Variants in CDC14B observed in about 807,000 individuals in gnomAD.
CDC14B encodes cell division cycle 14B, also known as dual specificity protein phosphatase CDC14B.
A neutral mutation model predicts 64.2 loss-of-function variants in CDC14B; 22 were observed. The observed-to-expected ratio is 0.34, with a 90% CI of 0.24 to 0.49. The LOEUF is 0.49. Among genes scored for constraint, CDC14B ranks in the 20% least tolerant of loss-of-function variants. The pLI is 0.99. For missense variants in CDC14B, 498 were observed against 629.9 expected (o/e 0.79, Z 2.24); for synonymous variants, 191 against 215.8 (o/e 0.89, Z 1.01).
intron 1 of CDC14B, among the ~76,000 whole-genome samples, chr9:96,579,325 C>G (rs949298661): frequency 1.2e-4 from 18 of 151,902 alleles, no homozygotes; most frequent in Non-Finnish European, 2.4e-4. Context: ...CAGTGGCTCA[C>G]GCCTGTAATC....
intron 12 of CDC14B, among the ~76,000 whole-genome samples, chr9:96,520,217 G>A (rs1021536493): frequency 1.5e-4 from 23 of 152,212 alleles, no homozygotes; most frequent in African/African-American, 5.1e-4. Context: ...CTAGCATTTC[G>A]CTTTCTTCTT....
At chr9:96,617,773 T>C (rs1294293461) in intron 1 of CDC14B, among the ~76,000 whole-genome samples, 2 of 152,194 alleles carry the variant, frequency 1.3e-5, no homozygotes, top group Admixed American at 6.5e-5. Context: ...ACCTTTAGAA[T>C]TGGAGTTCTG....
intron 6 of CDC14B, among the ~76,000 whole-genome samples, chr9:96,540,564 T>C (rs1272571286): frequency 6.6e-6 from 1 of 151,754 alleles, no homozygotes; most frequent in Non-Finnish European, 1.5e-5. Context: ...ATCTTTGACC[T>C]ATCGTACCAG....
intron 6 of CDC14B, among the ~76,000 whole-genome samples, chr9:96,539,989 A>C (rs1318518260): frequency 6.6e-6 from 1 of 152,258 alleles, no homozygotes; most frequent in Non-Finnish European, 1.5e-5. Context: ...ACTGAAATAC[A>C]AATGTAAAAT....
chr9:96,617,947 G>A (rs2119110703), intron 1 of CDC14B, among the ~76,000 whole-genome samples: 1 of 152,284 alleles, frequency 6.6e-6, no homozygotes, highest in South Asian at 2.1e-4. Context: ...AACGTTAGCG[G>A]GACTTGGCTT....
chr9:96,598,869 G>A (rs1023775378), intron 1 of CDC14B, among the ~76,000 whole-genome samples: 8 of 152,118 alleles, frequency 5.3e-5, no homozygotes, highest in African/African-American at 1.9e-4. Context: ...ATCAATAAGG[G>A]CTTGCTTAAA....
intron 1 of CDC14B, among the ~76,000 whole-genome samples, chr9:96,606,862 G>A (rs926339706): frequency 6.6e-6 from 1 of 151,796 alleles, no homozygotes; most frequent in African/African-American, 2.4e-5. Flanking sequence ...CACCGTGCCT[G>A]GCCTACTAAT....
downstream of CDC14B, among the ~76,000 whole-genome samples, chr9:96,497,218 CA>C (rs550953208): frequency 2.7e-3 from 416 of 152,312 alleles, 2 homozygotes; most frequent in Non-Finnish European, 4.6e-3. Flanking sequence ...GGTGTGGACC[CA>C]GCACGCGTCG....
rs1847829702 is a variant in CDC14B, at chr9:96,619,206, C to G, written c.160+13G>C. 2 of 1,274,742 alleles carry G rather than the reference C, an allele frequency of 1.6e-6. No individual in the cohort carries two copies. Among genetic ancestry groups the G allele is most frequent in the East Asian group, 6.2e-5 (2 of 32,248 alleles). 79.0% of individuals were successfully genotyped at this position (1,274,742 alleles called of 1,614,324 possible). A position where few individuals can be genotyped will look rare whatever the true frequency, so the allele number is the denominator to read the frequency against. The stretch of plus-strand genomic sequence containing the variant: ...CCGTCCGGGGCCCTCCGCGCGCCCA[C>G]TGGCCGGCTCACCGGTGATGTCCAG... On this transcript the variant is annotated intron_variant, in intron 1 of 13. Transcript: ENST00000375241.
intron 12 of CDC14B, among the ~76,000 whole-genome samples, chr9:96,520,290 T>C (rs919668294): frequency 6.6e-6 from 1 of 152,226 alleles, no homozygotes; most frequent in African/African-American, 2.4e-5. Flanking sequence ...ATATTGTTTT[T>C]GGGATATTAC....
intron 3 of CDC14B, among the ~76,000 whole-genome samples, chr9:96,563,655 GAAAA>G (rs35893039): frequency 1.2e-5 from 1 of 81,614 alleles, no homozygotes; most frequent in Non-Finnish European, 2.4e-5. Context: ...TGTCTCACGG[GAAAA>G]AAAAAAAAAA....
chr9:96,574,359 A>G (rs1299771966), intron 1 of CDC14B, among the ~76,000 whole-genome samples: 2 of 152,128 alleles, frequency 1.3e-5, no homozygotes, highest in South Asian at 2.1e-4. Flanking sequence ...CTTGTTGTCC[A>G]TGTTTTTGGG....
intron 4 of CDC14B, among the ~76,000 whole-genome samples, chr9:96,555,770 G>T (rs1399843015): frequency 2.0e-5 from 3 of 152,190 alleles, no homozygotes; most frequent in African/African-American, 7.2e-5. Flanking sequence ...TGAGACTGGT[G>T]TGGTTTTCAA....
At chr9:96,574,025 T>C (rs993154571) in intron 1 of CDC14B, among the ~76,000 whole-genome samples, 2 of 151,866 alleles carry the variant, frequency 1.3e-5, no homozygotes, top group Non-Finnish European at 2.9e-5. Context: ...CGGGCACCCG[T>C]AGCCCCAGCT....
intron 4 of CDC14B, among the ~76,000 whole-genome samples, chr9:96,561,162 C>T (rs764103552): frequency 1.3e-5 from 2 of 152,242 alleles, no homozygotes; most frequent in East Asian, 3.9e-4. Flanking sequence ...GTCTCGTACA[C>T]CTGACCTCAA....
chr9:96,520,266 G>A (rs1836481391), intron 12 of CDC14B, among the ~76,000 whole-genome samples: 1 of 152,166 alleles, frequency 6.6e-6, no homozygotes, highest in Admixed American at 6.5e-5. Context: ...TGTGTTATGT[G>A]GGGCTATTTA....
chr9:96,577,691 C>T (rs1054309574), intron 1 of CDC14B, among the ~76,000 whole-genome samples: 2 of 152,032 alleles, frequency 1.3e-5, no homozygotes, highest in Non-Finnish European at 2.9e-5. Flanking sequence ...AAGATTACAG[C>T]GGCAGTACAA....
chr9:96,518,572 G>C (rs1836118320), intron 12 of CDC14B, among the ~76,000 whole-genome samples: 1 of 152,100 alleles, frequency 6.6e-6, no homozygotes, highest in African/African-American at 2.4e-5. Flanking sequence ...TTAGACTAAA[G>C]GGTGAACTCG....
In CDC14B at chr9:96,584,726, T is replaced by C. The variant is rs561623938; in HGVS notation, c.161-19243A>G. Among the ~76,000 whole-genome samples, 23 of 152,320 alleles carry C rather than the reference T, an allele frequency of 1.5e-4. No individual in the cohort carries two copies. The South Asian group carries it at 3.7e-3, about 25-fold the overall frequency. On this transcript the variant is annotated intron_variant, in intron 1 of 13. Transcript: ENST00000375241. ...TGTAGTGCAGTGGCACAATCTTGGC[T>C]CACTGCAACCTCTGCCTCCCAGGTT...
Sources: gnomAD v4.1 joint callset for allele counts (sites outside exome capture counted in the v4.1 genomes callset) on GRCh38, gnomAD v4.1.1 for gene constraint, MANE v1.5 for transcripts, NCBI Gene and HGNC (gene_info 2026-07-23, HGNC 2026-07-21) for gene names.